The following UBN1 variants were observed in gnomAD, a reference collection of about 807,000 sequenced individuals.
UBN1 encodes the protein ubinuclein-1.
UBN1 carries 17 observed loss-of-function variants against 108.5 expected under a neutral mutation model. That is an observed-to-expected ratio of 0.16 (90% CI 0.11 to 0.24). The LOEUF is 0.24. UBN1 is among the 10% of genes least tolerant of loss of function. UBN1 has a pLI of 1.00. For synonymous variants in UBN1, 726 were observed against 564.2 expected (o/e 1.29, Z -4.07); for missense variants, 1,595 against 1,394.4 (o/e 1.14, Z -2.29).
rs532842360 is a variant in UBN1, at chr16:4,874,895, G to A, written c.2485G>A (p.Gly829Ser). ...ATCTCCATTTGCCAATAAGCTCCAAGGCCCAAAGGCTTCTCCCACACAGTG... is the reference window on the plus strand; with the variant it reads ...ATCTCCATTTGCCAATAAGCTCCAAAGCCCAAAGGCTTCTCCCACACAGTG... Reference protein sequence around the residue: ...PPSPFANKLQGPKASPTQCHR... With the variant: ...PPSPFANKLQSPKASPTQCHR... Residue 829 changes from glycine (G) to serine (S), a missense_variant, in exon 15 of 18, where the codon GGC becomes AGC. By Grantham distance (56) the Gly-to-Ser change is moderately conservative (BLOSUM62 0). Around this residue, in one of 3 missense-constraint regions of UBN1, gnomAD observed 1,398 missense variants for 1,194.7 expected, o/e 1.17. Coordinates refer to ENST00000262376, the MANE Select transcript of UBN1 (RefSeq NM_001079514.3). 6.2e-7 allele frequency: 1 copy of A among 1,614,088 alleles called. No homozygotes were observed. The highest frequency in any genetic ancestry group is 1.1e-5 in the South Asian group (1 of 91,082).
In UBN1 at chr16:4,870,661, G is replaced by C. The variant is rs184811701; in HGVS notation, c.1430+27G>C. The stretch of plus-strand genomic sequence containing the variant: ...TAAGTTTGTCCTGGCGCTTGCAGGT[G>C]CAACCCTCCCGTCTTGCCTCTTCCC... On this transcript the variant is annotated intron_variant, in intron 10 of 17. Transcript: ENST00000262376. 1.3e-4 allele frequency: 202 copies of C among 1,612,932 alleles called. 1 individual carries two copies. In the South Asian group the frequency reaches 2.1e-3, roughly 17 times the overall value.
chr16:4,866,423 GATTC>G (rs960256635), intron 7 of UBN1, among the ~76,000 whole-genome samples: 5 of 152,320 alleles, frequency 3.3e-5, no homozygotes, highest in Admixed American at 6.5e-5. Flanking sequence ...TTCATTTGTT[GATTC>G]ATTCACTCAG....
chr16:4,881,314 C>T lies in UBN1; in HGVS notation c.*1182C>T. ...TCCAGGCAGTGGGGTTATGTGTCGA[C>T]TGAAGGGTGATGTGCAGAAGAGCTT... On this transcript the variant is annotated 3_prime_UTR_variant, in exon 18 of 18. Transcript: ENST00000262376. The T allele has an allele frequency of 6.6e-6, 1 of 152,580 alleles. No individual in the cohort carries two copies. Among genetic ancestry groups the T allele is most frequent in the Non-Finnish European group, 1.5e-5 (1 of 68,094 alleles). The allele number at this position is 152,580 out of a possible 1,614,324, so 9.5% of individuals were successfully genotyped here.
In UBN1 at chr16:4,874,409, C is replaced by A. The variant is rs140270302; in HGVS notation, c.1999C>A (p.Arg667Ser). 169 of 1,613,950 alleles carry A rather than the reference C, an allele frequency of 1.0e-4. 1 individual carries two copies. Among genetic ancestry groups the A allele is most frequent in the Non-Finnish European group, 1.4e-4 (161 of 1,180,020 alleles). The change falls in exon 15 of 18, where the codon CGC becomes AGC. Residue 667 changes from arginine to serine, a missense_variant. Physicochemically the swap from Arg to Ser is moderately radical, Grantham distance 110 (BLOSUM62 -1). This residue lies in a region of UBN1 where 1,398 missense variants were observed against 1,194.7 expected (regional missense o/e 1.17). Transcript: ENST00000262376. ...GGACTCATTGGATGAAGACTTGATC[C>A]GCAATCCAGCCTCCTCGGTGGAAGC... ...LEDSLDEDLI[R>S]NPASSVEAVS...
Position 4,881,177 on chromosome 16 carries a change from CAGAT to C in UBN1, c.*1049_*1052del, listed in dbSNP as rs2088064700. On this transcript the variant is annotated 3_prime_UTR_variant, in exon 18 of 18. Transcript: ENST00000262376. ...CAAGGATACCAGGGGTCCCAAGTCA[CAGAT>C]AGACATTCCAGTTTGTATTCTTAGG... The C allele has an allele frequency of 6.6e-6, 1 of 152,628 alleles. No individual in the cohort carries two copies. The highest frequency in any genetic ancestry group is 1.5e-5 in the Non-Finnish European group (1 of 68,050). 9.5% of individuals were successfully genotyped at this position (152,628 alleles called of 1,614,324 possible).
At chr16:4,867,463 G>A (rs1344929942) in intron 7 of UBN1, among the ~76,000 whole-genome samples, 3 of 152,172 alleles carry the variant, frequency 2.0e-5, no homozygotes, top group East Asian at 1.9e-4. Flanking sequence ...TGGTATATAC[G>A]GGGGTCCTGT....
At chr16:4,875,553 G>T in intron 15 of UBN1, 119 bp downstream of exon 15, 1 of 1,399,480 alleles carries the variant, frequency 7.1e-7, no homozygotes. Flanking sequence ...TAGGAACAGT[G>T]GGCTCAGACG....
At chr16:4,850,992 G>C (rs1172656660) in intron 1 of UBN1, among the ~76,000 whole-genome samples, 3 of 152,154 alleles carry the variant, frequency 2.0e-5, no homozygotes, top group Non-Finnish European at 4.4e-5. Context: ...ACTGATTAAA[G>C]AATCTCTAAA....
chr16:4,877,107 C>T lies in UBN1; in HGVS notation c.3261C>T (p.Gly1087=). The T allele has an allele frequency of 1.2e-6, 2 of 1,607,368 alleles. No homozygotes were observed. The highest frequency in any genetic ancestry group is 1.1e-5 in the South Asian group (1 of 90,032). ...PAPGSFHHGL[G]HSLLAGLHSS... Reference sequence around the variant, plus strand: ...CCGGGTCCTTCCACCATGGCCTTGGCCACAGTAAGTGCTTCTTTGCTGCCT... The same window carrying T: ...CCGGGTCCTTCCACCATGGCCTTGGTCACAGTAAGTGCTTCTTTGCTGCCT... The change falls in exon 16 of 18, where the codon GGC becomes GGT. Residue 1087 remains glycine (G), a synonymous_variant. Coordinates refer to ENST00000262376, the MANE Select transcript of UBN1 (RefSeq NM_001079514.3). This position sits in a 1 kb window ranked among gnomAD's most constrained non-coding sequence, Gnocchi z 4.3.
Position 4,874,995 on chromosome 16 carries a change from C to T in UBN1, c.2585C>T (p.Ser862Leu). 6.2e-7 allele frequency: 1 copy of T among 1,614,136 alleles called. No individual in the cohort carries two copies. The highest frequency in any genetic ancestry group is 1.1e-5 in the South Asian group (1 of 91,092). The change falls in exon 15 of 18, where the codon TCA (serine) becomes TTA (leucine). Residue 862 changes from serine to leucine, a missense_variant. Physicochemically the swap from Ser to Leu is moderately radical, Grantham distance 145. Coordinates refer to ENST00000262376, the MANE Select transcript of UBN1 (RefSeq NM_001079514.3). The stretch of plus-strand genomic sequence containing the variant: ...TTCCATCCCTCTGCACCAGCCACCT[C>T]AGGAGGCCTGTCAGCCTCCAGCAGC... ...QGFHPSAPAT[S>L]GGLSASSSSS...
Position 4,847,818 on chromosome 16 carries a change from GC to G in UBN1, c.-428del. ...ACTCTGCTTGGCCGCAGGCCGGGAGGCCCCGGTGTCCGCGCCCGTCCGCTCC... is the reference window on the plus strand; with the variant it reads ...ACTCTGCTTGGCCGCAGGCCGGGAGGCCCGGTGTCCGCGCCCGTCCGCTCC... On this transcript the variant is annotated 5_prime_UTR_variant, in exon 1 of 18. Coordinates refer to ENST00000262376, the MANE Select transcript of UBN1 (RefSeq NM_001079514.3). 1 of 152,868 alleles carries G rather than the reference GC, an allele frequency of 6.5e-6. No homozygotes were observed. The highest frequency in any genetic ancestry group is 1.5e-5 in the Non-Finnish European group (1 of 68,474). The allele number at this position is 152,868 out of a possible 1,614,324, so 9.5% of individuals were successfully genotyped here.
intron 9 of UBN1, 71 bp from the exon 10 acceptor site, chr16:4,870,445 C>A: frequency 6.2e-7 from 1 of 1,610,094 alleles, no homozygotes. Flanking sequence ...TCCTTGTGAT[C>A]ACCCCATCAT....
In UBN1 at chr16:4,875,232, C is replaced by T. The variant is rs140433399; in HGVS notation, c.2822C>T (p.Ser941Phe). Reference protein sequence around the residue: ...GSLVPGIQPPSVGQATSRPVP... With the variant: ...GSLVPGIQPPFVGQATSRPVP... ...CTGGTCCCTGGCATACAGCCTCCCT[C>T]CGTGGGACAGGCCACCAGCCGACCC... Residue 941 changes from serine (S) to phenylalanine (F), a missense_variant, in exon 15 of 18, where the codon TCC (serine) becomes TTC (phenylalanine). Coordinates refer to ENST00000262376, the MANE Select transcript of UBN1 (RefSeq NM_001079514.3). 22 of 1,614,104 alleles carry T rather than the reference C, an allele frequency of 1.4e-5. No homozygotes were observed. Among genetic ancestry groups the T allele is most frequent in the Non-Finnish European group, 1.9e-5 (22 of 1,180,062 alleles).
At position 4,874,656 on chromosome 16, in the gene UBN1, C is replaced by T; in HGVS notation, c.2246C>T (p.Ser749Phe). Residue 749 changes from serine to phenylalanine, a missense_variant, in exon 15 of 18, where the codon TCC (serine) becomes TTC (phenylalanine). Ser to Phe is a radical substitution (Grantham distance 155). Transcript: ENST00000262376. The stretch of plus-strand genomic sequence containing the variant: ...GAACAGGCTCTGGCACTGGGGCAGT[C>T]CTCTCAGGAGAAAAAACCAGAGAGT... ...LAEQALALGQ[S>F]SQEKKPESSG... 1 of 1,614,204 alleles carries T rather than the reference C, an allele frequency of 6.2e-7. No homozygotes were observed. Among genetic ancestry groups the T allele is most frequent in the South Asian group, 1.1e-5 (1 of 91,076 alleles).
At chr16:4,858,150 G>T (rs750453401) in intron 3 of UBN1, 74 bp downstream of exon 3, 5 of 968,358 alleles carry the variant, frequency 5.2e-6, no homozygotes, top group South Asian at 1.3e-5. Flanking sequence ...TCCTTTAGTG[G>T]ATCATCATGT....
At chr16:4,872,340 G>A (rs1469366022) in intron 12 of UBN1, 9 of 985,224 alleles carry the variant, frequency 9.1e-6, no homozygotes, top group Middle Eastern at 5.2e-4. Context: ...TTGAGGCAGA[G>A]CCATACATTT....
At chr16:4,848,256 A>G (rs1303689462) in intron 1 of UBN1, 46 bp downstream of exon 1, 2 of 152,204 alleles carry the variant, frequency 1.3e-5, no homozygotes, top group African/African-American at 2.4e-5. Context: ...GCCTTGCCCT[A>G]GTTTTGCACT....
intron 7 of UBN1, among the ~76,000 whole-genome samples, chr16:4,864,211 C>G (rs1047981934): frequency 1.3e-4 from 19 of 151,790 alleles, no homozygotes; most frequent in African/African-American, 4.6e-4. Context: ...CTCAGCCTCC[C>G]GAGTAGCTGG....
chr16:4,870,747 TTTC>T, intron 10 of UBN1, 94 bp from the exon 11 acceptor site: 1 of 1,589,248 alleles, frequency 6.3e-7, no homozygotes, highest in Non-Finnish European at 8.6e-7. Context: ...TCTTTGGCCT[TTTC>T]TCCTTCTCTG....
Sources: allele counts gnomAD v4.1 joint callset (sites outside exome capture counted in the v4.1 genomes callset), GRCh38; gene constraint gnomAD v4.1.1; regional missense constraint gnomAD v4.1.1; non-coding constraint Gnocchi (gnomAD v3.1); transcripts MANE v1.5; gene names NCBI Gene and HGNC (gene_info 2026-07-23, HGNC 2026-07-21).